Variants in SSBP3 observed in about 807,000 individuals in gnomAD.
SSBP3 encodes single-stranded DNA-binding protein 3.
Under a neutral mutation model 69.6 loss-of-function variants are expected in SSBP3, and 5 were observed. The observed-to-expected ratio is 0.07, with a 90% CI of 0.04 to 0.15. The LOEUF is 0.15. Ranked by LOEUF, SSBP3 falls within the 10% of genes least tolerant of loss-of-function variation. The probability of loss-of-function intolerance (pLI) is 1.00; values close to 1 mark genes in which losing one functional copy is unlikely to be tolerated. For missense variants in SSBP3, 312 were observed against 534.0 expected, an observed-to-expected ratio of 0.58 and a Z score of 4.10; for synonymous variants, 196 against 193.4, an observed-to-expected ratio of 1.01 and a Z score of -0.11.
intron 6 of SSBP3, among the ~76,000 whole-genome samples, 181 bp downstream of exon 6, chr1:54,257,888 T>G (rs1449448868): frequency 6.6e-6 from 1 of 152,228 alleles, no homozygotes; most frequent in African/African-American, 2.4e-5. Flanking sequence ...AAGCTGGGTG[T>G]GATATCCGAG....
chr1:54,299,990 A>C (rs1289577649), intron 4 of SSBP3, among the ~76,000 whole-genome samples: 4 of 152,056 alleles, frequency 2.6e-5, no homozygotes, highest in Admixed American at 2.6e-4. Context: ...CTTCCCAGAC[A>C]CTGGAATGCT....
chr1:54,405,864 G>GGGGGGGGGGGCCCCCCC, intron 1 of SSBP3, 89 bp downstream of exon 1: 2 of 138,886 alleles, frequency 1.4e-5, no homozygotes, highest in Non-Finnish European at 3.0e-5. Context: ...GCAGCCTCCG[G>GGGGGGGGGGGCCCCCCC]CCCCCGCCCG....
chr1:54,372,154 G>GT (rs566637723), intron 4 of SSBP3, among the ~76,000 whole-genome samples: 434 of 152,272 alleles, frequency 2.9e-3, no homozygotes, highest in African/African-American at 7.8e-3. Flanking sequence ...CACATGCCGT[G>GT]TAAGCCCTGA....
At chr1:54,388,248 G>A (rs1358588598) in intron 4 of SSBP3, among the ~76,000 whole-genome samples, 1 of 152,120 alleles carries the variant, frequency 6.6e-6, no homozygotes, top group Non-Finnish European at 1.5e-5. Context: ...TGTCAAAGTA[G>A]CAGCATGGCT....
At chr1:54,370,058 C>T (rs1463942512) in intron 4 of SSBP3, among the ~76,000 whole-genome samples, 2 of 152,166 alleles carry the variant, frequency 1.3e-5, no homozygotes, top group East Asian at 3.8e-4. Context: ...CATGTCTCCA[C>T]AATTAGCTTG....
upstream of SSBP3, among the ~76,000 whole-genome samples, chr1:54,408,896 C>A (rs1291555197): frequency 6.6e-6 from 1 of 152,152 alleles, no homozygotes; most frequent in African/African-American, 2.4e-5. Context: ...GTTGGTAGAT[C>A]CCTTGTTGGA....
intron 5 of SSBP3, among the ~76,000 whole-genome samples, chr1:54,262,777 T>C (rs1044143641): frequency 2.0e-5 from 3 of 152,174 alleles, no homozygotes; most frequent in African/African-American, 7.2e-5. Flanking sequence ...CAGAGCTCTT[T>C]CCACTGCACT....
At chr1:54,386,316 G>A (rs1245245920) in intron 4 of SSBP3, among the ~76,000 whole-genome samples, 1 of 152,210 alleles carries the variant, frequency 6.6e-6, no homozygotes, top group African/African-American at 2.4e-5. Context: ...CTATTCTTAG[G>A]ATTGACATCC....
At chr1:54,232,673 A>G (rs6689077) in intron 14 of SSBP3, among the ~76,000 whole-genome samples, 72,556 of 150,232 alleles carry the variant, frequency 0.48, 18,148 homozygotes, top group African/African-American at 0.64. Flanking sequence ...CTGCCATCTC[A>G]GCTCACTGCA....
intron 5 of SSBP3, among the ~76,000 whole-genome samples, chr1:54,260,430 CAGATT>C (rs1245584397): frequency 6.6e-6 from 1 of 152,196 alleles, no homozygotes; most frequent in Non-Finnish European, 1.5e-5. Context: ...GGCTCACTGA[CAGATT>C]AGAGAAAACA....
chr1:54,233,827 C>T (rs1056543154), intron 14 of SSBP3, among the ~76,000 whole-genome samples: 1 of 152,208 alleles, frequency 6.6e-6, no homozygotes, highest in African/African-American at 2.4e-5. Flanking sequence ...CTCTGCCCGG[C>T]CACCACCCCG....
intron 4 of SSBP3, among the ~76,000 whole-genome samples, chr1:54,395,837 G>A (rs1284292534): frequency 1.3e-5 from 2 of 151,982 alleles, no homozygotes; most frequent in East Asian, 1.9e-4. Flanking sequence ...CAAAACCCAG[G>A]GAAAGAAATA....
At chr1:54,401,600 T>C (rs751059927) in intron 4 of SSBP3, among the ~76,000 whole-genome samples, 6 of 152,184 alleles carry the variant, frequency 3.9e-5, no homozygotes, top group Non-Finnish European at 7.3e-5. Flanking sequence ...CTGAGTCCTG[T>C]ACAACACCAT....
At chr1:54,367,684 C>T (rs972886763) in intron 4 of SSBP3, among the ~76,000 whole-genome samples, 1 of 152,142 alleles carries the variant, frequency 6.6e-6, no homozygotes, top group Non-Finnish European at 1.5e-5. Flanking sequence ...GCGGCGGGTC[C>T]CCACCTTTGC....
At chr1:54,226,941 T>C (rs185858837) in exon 18 of SSBP3, 34 of 619,496 alleles carry the variant, frequency 5.5e-5, no homozygotes, top group Non-Finnish European at 9.6e-5. Flanking sequence ...AATAAAAAGT[T>C]TGGCCTTTTT....
At chr1:54,405,928 C>A (rs1301124017) in intron 1 of SSBP3, 25 bp downstream of exon 1, 4 of 1,297,296 alleles carry the variant, frequency 3.1e-6, no homozygotes, top group Non-Finnish European at 4.0e-6. Flanking sequence ...GGCGGCGCGG[C>A]CGCCACTTGC....
At chr1:54,291,455 C>T (rs138479947) in intron 4 of SSBP3, among the ~76,000 whole-genome samples, 49 of 150,880 alleles carry the variant, frequency 3.2e-4, no homozygotes, top group Middle Eastern at 3.4e-3. Context: ...AGTGGACCAC[C>T]GTGGTCTGCA....
chr1:54,233,364 T>C (rs1483931498), intron 14 of SSBP3, among the ~76,000 whole-genome samples: 1 of 143,294 alleles, frequency 7.0e-6, no homozygotes, highest in Non-Finnish European at 1.5e-5. Flanking sequence ...GTCTGAGAAG[T>C]GAGGAGCCCC....
At position 54,349,698 on chromosome 1, in the gene SSBP3, G is replaced by C. The variant is rs534489389; in HGVS notation, c.276+52163C>G. Among the ~76,000 whole-genome samples, 3 of 148,734 alleles carry C rather than the reference G, an allele frequency of 2.0e-5. No individual in the cohort carries two copies. The South Asian group carries it at 6.3e-4, about 31-fold the overall frequency. ...GTCACAAGAGGTGGGTATCCAATGAGGAAACAGTGTGGATGGGCCAAAAAA... is the reference window on the plus strand; with the variant it reads ...GTCACAAGAGGTGGGTATCCAATGACGAAACAGTGTGGATGGGCCAAAAAA... On this transcript the variant is annotated intron_variant, in intron 4 of 17. Coordinates refer to ENST00000610401, the Ensembl canonical transcript of SSBP3.
Sources: allele counts gnomAD v4.1 joint callset (sites outside exome capture counted in the v4.1 genomes callset), GRCh38; gene constraint gnomAD v4.1.1; transcripts MANE v1.5; gene names NCBI Gene and HGNC (gene_info 2026-07-23, HGNC 2026-07-21).